IFI44L: variants seen among roughly 807,000 people sequenced by gnomAD.
IFI44L encodes the protein interferon induced protein 44 like, also known as interferon-induced protein 44-like.
A neutral mutation model predicts 39.3 loss-of-function variants in IFI44L; 40 were observed. The ratio of observed to expected loss-of-function variants is 1.02; its 90% CI spans 0.79 to 1.33. The LOEUF (loss-of-function observed/expected upper bound fraction) is 1.33, where lower values mean the gene tolerates loss of function less well. Ranked by LOEUF, IFI44L falls within the 40% of genes most tolerant of loss-of-function variation. The pLI is 0.00. For missense variants in IFI44L, 623 were observed against 549.0 expected, an observed-to-expected ratio of 1.13 and a Z score of -1.35; for synonymous variants, 198 against 182.3, an observed-to-expected ratio of 1.09 and a Z score of -0.69.
At chr1:78,626,054 C>A (rs1346495857) in intron 1 of IFI44L, 3 of 151,584 alleles carry the variant, frequency 2.0e-5, no homozygotes, top group African/African-American at 7.3e-5. Flanking sequence ...TATTCTTTTT[C>A]TTTTATTCTT....
In IFI44L at chr1:78,637,901, C is replaced by G. The variant is rs1653012132; in HGVS notation, c.1048+698C>G. On this transcript the variant is annotated intron_variant, in intron 6 of 8. Transcript: ENST00000370751. ...GTTTTTAGCTATTGCAAACAAAACT[C>G]CTATCAAGTTTTGTGTGGATATAAG... is the stretch of plus-strand genomic sequence containing the variant. Among the ~76,000 whole-genome samples the G allele has an allele frequency of 2.6e-5, 4 of 152,054 alleles. No individual in the cohort carries two copies. In the South Asian group the frequency reaches 8.3e-4, roughly 32 times the overall value.
rs767627949 is a variant in IFI44L, at chr1:78,641,789, G to A, written c.1339G>A (p.Ala447Thr). The change falls in exon 9 of 9, where the codon GCG (alanine) becomes ACG (threonine). Residue 447 changes from alanine to threonine, a missense_variant. Ala to Thr is a moderately conservative substitution (Grantham distance 58). Transcript: ENST00000370751. Reference protein sequence around the residue: ...PLEETGAIERALQPCI With the variant: ...PLEETGAIERTLQPCI Reference sequence around the variant, plus strand: ...TTCATTTTCAGGTGCAATTGAGAGAGCGTTACAGCCCTGCATTTGAGATAA... The same window carrying A: ...TTCATTTTCAGGTGCAATTGAGAGAACGTTACAGCCCTGCATTTGAGATAA... The A allele has an allele frequency of 2.5e-6, 4 of 1,613,608 alleles. No homozygotes were observed. The highest frequency in any genetic ancestry group is 2.7e-5 in the African/African-American group (2 of 74,884).
chr1:78,635,470 G>T lies in IFI44L; in HGVS notation c.857G>T (p.Cys286Phe), dbSNP rs762051372. The change falls in exon 5 of 9, where the codon TGT becomes TTT. Residue 286 changes from cysteine to phenylalanine, a missense_variant. Coordinates refer to ENST00000370751, the MANE Select transcript of IFI44L (RefSeq NM_006820.4). Reference sequence around the variant, plus strand: ...GACATTCCCCACATCTTAAAAGGTTGTATGCCAGACAGATATCAGGTAAGA... The same window carrying T: ...GACATTCCCCACATCTTAAAAGGTTTTATGCCAGACAGATATCAGGTAAGA... ...MDDIPHILKG[C>F]MPDRYQFNSR... 7 of 1,613,200 alleles carry T rather than the reference G, an allele frequency of 4.3e-6. No individual in the cohort carries two copies. The Admixed American group carries it at 1.2e-4, about 27-fold the overall frequency.
chr1:78,627,220 G>A (rs1652525137), intron 1 of IFI44L: 1 of 151,864 alleles, frequency 6.6e-6, no homozygotes, highest in Admixed American at 6.6e-5. Flanking sequence ...TTGCTCTTTA[G>A]AGCTTTGTAA....
rs139939887 is a variant in IFI44L, at chr1:78,629,690, A to T, written c.528-30A>T. The T allele has an allele frequency of 8.0e-4, 1,222 of 1,534,170 alleles. 12 individuals carry two copies. The African/African-American group carries it at 0.015, about 19-fold the overall frequency. On this transcript the variant is annotated intron_variant, in intron 3 of 8. Transcript: ENST00000370751. Reference sequence around the variant, plus strand: ...ATGGTATTCTTTATTGGCTGTTCTGATGCTGTATTTAACCACTATATTTTA... The same window carrying T: ...ATGGTATTCTTTATTGGCTGTTCTGTTGCTGTATTTAACCACTATATTTTA...
chr1:78,631,911 C>A (rs1387182241), intron 4 of IFI44L, among the ~76,000 whole-genome samples: 4 of 152,050 alleles, frequency 2.6e-5, no homozygotes, highest in African/African-American at 9.7e-5. Context: ...CACTGTATTT[C>A]TCCCAATTAC....
rs1227841701 is a variant in IFI44L, at chr1:78,643,650, TTG to T, written c.*1843_*1844del. The stretch of plus-strand genomic sequence containing the variant: ...TGTTTGTTTTGTTTTTTTTTTGTTG[TTG>T]TTTTTTTTTTTTTTTGTTTTTTTGC... On this transcript the variant is annotated 3_prime_UTR_variant, in exon 9 of 9. Coordinates refer to ENST00000370751, the MANE Select transcript of IFI44L (RefSeq NM_006820.4). 1.3e-4 allele frequency: 12 copies of T among 89,068 alleles called. No homozygotes were observed. Among genetic ancestry groups the T allele is most frequent in the Non-Finnish European group, 1.9e-4 (7 of 37,792 alleles). The allele number at this position is 89,068 out of a possible 1,614,324, so 5.5% of individuals were successfully genotyped here. A position where few individuals can be genotyped will look rare whatever the true frequency, so the allele number is the denominator to read the frequency against.
At chr1:78,635,608 C>T in intron 5 of IFI44L, 119 bp downstream of exon 5, 1 of 803,718 alleles carries the variant, frequency 1.2e-6, no homozygotes, top group African/African-American at 1.8e-5. Context: ...TCAATCAACA[C>T]TATTCTACTT....
At chr1:78,630,210 T>A in intron 4 of IFI44L, 1 of 269,302 alleles carries the variant, frequency 3.7e-6, no homozygotes, top group Non-Finnish European at 7.1e-6. Context: ...ATGATGTTCA[T>A]TTTACTCATG....
chr1:78,623,854 CT>C (rs1488540183), intron 1 of IFI44L, among the ~76,000 whole-genome samples: 1 of 152,130 alleles, frequency 6.6e-6, no homozygotes. Flanking sequence ...AGAATTTGCT[CT>C]TCCTCTGCCT....
intron 1 of IFI44L, chr1:78,626,098 T>C (rs756706439): frequency 6.6e-6 from 1 of 151,956 alleles, no homozygotes; most frequent in Non-Finnish European, 1.5e-5. Flanking sequence ...CTAATTTTAC[T>C]GTATCCTTTA....
rs776966064 is a variant in IFI44L, at chr1:78,635,333, A to T, written c.724-4A>T. 1 of 1,576,930 alleles carries T rather than the reference A, an allele frequency of 6.3e-7. No individual in the cohort carries two copies. The highest frequency in any genetic ancestry group is 1.1e-5 in the South Asian group (1 of 88,336). On this transcript the variant is annotated splice_polypyrimidine_tract_variant and splice_region_variant and intron_variant, in intron 4 of 8. Coordinates refer to ENST00000370751, the MANE Select transcript of IFI44L (RefSeq NM_006820.4). ...CCTTTACACTTAATGTATTTTTTTA[A>T]CAGTATAGGATATATTCTGTTAAAG...
chr1:78,620,902 C>G (rs1264828365), intron 1 of IFI44L: 5 of 152,178 alleles, frequency 3.3e-5, no homozygotes, highest in Non-Finnish European at 7.3e-5. Flanking sequence ...TGGTAACCAC[C>G]ATGCTACTCT....
At chr1:78,630,500 C>T (rs1438553345) in intron 4 of IFI44L, among the ~76,000 whole-genome samples, 2 of 152,068 alleles carry the variant, frequency 1.3e-5, no homozygotes, top group Non-Finnish European at 2.9e-5. Context: ...TGATGCAGCA[C>T]TTGTCTAGAA....
rs1647018276 is a variant in IFI44L at position 78,643,912 on chromosome 1, AT to A, written c.*2105del. On this transcript the variant is annotated 3_prime_UTR_variant, in exon 9 of 9. Coordinates refer to ENST00000370751, the MANE Select transcript of IFI44L (RefSeq NM_006820.4). ...GTCATGCTGTAAGTAGCTACAGGGA[AT>A]TGGCTTAAAGGGCAAGTTGGTTAGT... 1 of 152,128 alleles carries A rather than the reference AT, an allele frequency of 6.6e-6. No individual in the cohort carries two copies. Among genetic ancestry groups the A allele is most frequent in the Non-Finnish European group, 1.5e-5 (1 of 68,010 alleles). The allele number at this position is 152,128 out of a possible 1,614,324, so 9.4% of individuals were successfully genotyped here.
Position 78,644,586 on chromosome 1 carries a change from C to T in IFI44L, c.*2777C>T, listed in dbSNP as rs1647026407. On this transcript the variant is annotated 3_prime_UTR_variant, in exon 9 of 9. Coordinates refer to ENST00000370751, the MANE Select transcript of IFI44L (RefSeq NM_006820.4). Reference sequence around the variant, plus strand: ...AGGATATTTTCCATTTTGTGGATTTCCCTGATCTTTTTCTACCACCCTGAG... The same window carrying T: ...AGGATATTTTCCATTTTGTGGATTTTCCTGATCTTTTTCTACCACCCTGAG... The T allele has an allele frequency of 6.6e-6, 1 of 152,116 alleles. No homozygotes were observed. The highest frequency in any genetic ancestry group is 6.5e-5 in the Admixed American group (1 of 15,276). 9.4% of individuals were successfully genotyped at this position (152,116 alleles called of 1,614,324 possible). A position where few individuals can be genotyped will look rare whatever the true frequency, so the allele number is the denominator to read the frequency against.
rs141849276 is a variant in IFI44L, at chr1:78,628,358, G to A, written c.443G>A (p.Arg148His). ...RNLKLRFYGH[R>H]QYLECEVFRV... is the part of the protein sequence containing the mutation. The stretch of plus-strand genomic sequence containing the variant: ...TTGAAACTAAGGTTTTATGGCCACC[G>A]TCAGTATTTGGAATGTGAAGTTTTT... The change falls in exon 2 of 9, where the codon CGT becomes CAT. Residue 148 changes from arginine (R) to histidine (H), a missense_variant. Coordinates refer to ENST00000370751, the MANE Select transcript of IFI44L (RefSeq NM_006820.4). 29 of 1,585,112 alleles carry A rather than the reference G, an allele frequency of 1.8e-5. No individual in the cohort carries two copies. Among genetic ancestry groups the A allele is most frequent in the Middle Eastern group, 3.6e-4 (2 of 5,564 alleles).
rs931110125 is a variant in IFI44L at position 78,635,214 on chromosome 1, C to T, written c.724-123C>T. ...TAACTTTTAAGAGTCTAAAGGGGTCCTGAGACCAAACTGTTTGAGGACCAT... is the reference window on the plus strand; with the variant it reads ...TAACTTTTAAGAGTCTAAAGGGGTCTTGAGACCAAACTGTTTGAGGACCAT... On this transcript the variant is annotated intron_variant, in intron 4 of 8. Coordinates refer to ENST00000370751, the MANE Select transcript of IFI44L (RefSeq NM_006820.4). 5 of 727,756 alleles carry T rather than the reference C, an allele frequency of 6.9e-6. No homozygotes were observed. The African/African-American group carries it at 7.2e-5, about 10-fold the overall frequency. The allele number at this position is 727,756 out of a possible 1,614,324, so 45.1% of individuals were successfully genotyped here. A position where few individuals can be genotyped will look rare whatever the true frequency, so the allele number is the denominator to read the frequency against.
At chr1:78,641,631 CCT>C (rs1557691542) in intron 8 of IFI44L, 22 bp downstream of exon 8, 13 of 1,612,420 alleles carry the variant, frequency 8.1e-6, no homozygotes, top group African/African-American at 2.7e-5. Flanking sequence ...CTTTTCTCCC[CCT>C]GTCATAGATC....
Sources: gnomAD v4.1 joint callset for allele counts (sites outside exome capture counted in the v4.1 genomes callset) on GRCh38, gnomAD v4.1.1 for gene constraint, MANE v1.5 for transcripts, NCBI Gene and HGNC (gene_info 2026-07-23, HGNC 2026-07-21) for gene names.